Variants in TPM4 observed in about 807,000 individuals in gnomAD.
TPM4 encodes the protein tropomyosin alpha-4 chain.
In TPM4, 17 loss-of-function variants were observed where a neutral mutation model predicts 35.8. The observed-to-expected ratio is 0.47, with a 90% CI of 0.32 to 0.71. The LOEUF is 0.71. TPM4 is among the 30% of genes least tolerant of loss of function. The pLI is 0.03. For missense variants in TPM4, 240 were observed against 320.9 expected (o/e 0.75, Z 1.93); for synonymous variants, 120 against 122.9 (o/e 0.98, Z 0.15).
upstream of TPM4, chr19:16,075,411 CA>C (rs1472061177): frequency 2.6e-5 from 4 of 152,134 alleles, no homozygotes; most frequent in Non-Finnish European, 4.4e-5. Flanking sequence ...CCCGAGCCTT[CA>C]AAGAAAGTGA....
upstream of TPM4, chr19:16,076,352 G>A (rs986802338): frequency 6.8e-7 from 1 of 1,461,568 alleles, no homozygotes; most frequent in Non-Finnish European, 9.0e-7. Flanking sequence ...CAGCGGTGCC[G>A]ACGTCAGGCC....
At chr19:16,096,936 C>CTTTTTTTCTTT (rs2090705707) in intron 7 of TPM4, among the ~76,000 whole-genome samples, 8 of 69,052 alleles carry the variant, frequency 1.2e-4, no homozygotes, top group African/African-American at 4.4e-4. Context: ...CAAGGTCACT[C>CTTTTTTTCTTT]TTTTTTTTTT....
At chr19:16,084,006 A>C (rs2144934764) in intron 2 of TPM4, among the ~76,000 whole-genome samples, 1 of 152,078 alleles carries the variant, frequency 6.6e-6, no homozygotes, top group East Asian at 1.9e-4. Flanking sequence ...AGCTCACTAC[A>C]AGCTTCACCT....
chr19:16,068,693 G>A (rs1178512790), intron 2 of TPM4, among the ~76,000 whole-genome samples: 1 of 152,160 alleles, frequency 6.6e-6, no homozygotes, highest in Non-Finnish European at 1.5e-5. Context: ...GCGTGTATCT[G>A]TATGTGTTTA....
chr19:16,070,527 A>C lies in TPM4; in HGVS notation c.114+2789A>C, dbSNP rs904253754. Among the ~76,000 whole-genome samples the C allele has an allele frequency of 1.3e-5, 2 of 152,118 alleles. No individual in the cohort carries two copies. The highest frequency in any genetic ancestry group is 2.9e-5 in the Non-Finnish European group (2 of 68,012). The stretch of plus-strand genomic sequence containing the variant: ...CCGGCAGCTAAAGGCGAAAGCTCGG[A>C]GCTCAGACTGGCCATGTTTGAGTCA... On this transcript the variant is annotated intron_variant, in intron 2 of 2. Coordinates refer to the TPM4 transcript ENST00000589897. The surrounding 1 kb of genome is among the most constrained non-coding windows in gnomAD (Gnocchi z 7.4).
At chr19:16,087,412 A>C (rs1344389059) in intron 3 of TPM4, among the ~76,000 whole-genome samples, 4 of 152,132 alleles carry the variant, frequency 2.6e-5, no homozygotes, top group African/African-American at 9.7e-5. Context: ...CCCTGTCTCT[A>C]CAAAAAATAC....
intron 5 of TPM4, among the ~76,000 whole-genome samples, chr19:16,089,699 C>G (rs1457094637): frequency 6.9e-6 from 1 of 144,050 alleles, no homozygotes; most frequent in Non-Finnish European, 1.5e-5. Context: ...GACAGAGCTT[C>G]GCTCTGTTGC....
chr19:16,088,323 A>ATGAGGAAATAGGAGTGAGACAG, intron 4 of TPM4: 3 of 1,371,362 alleles, frequency 2.2e-6, no homozygotes, highest in Non-Finnish European at 2.8e-6. Context: ...CTGCAAAGAT[A>ATGAGGAAATAGGAGTGAGACAG]TGAGGAAATA....
At chr19:16,081,158 C>CA (rs1249162328) in intron 1 of TPM4, 2 of 397,908 alleles carry the variant, frequency 5.0e-6, no homozygotes, top group African/African-American at 4.1e-5. Context: ...GCGGAACTCA[C>CA]AGGACACAAT....
At chr19:16,075,210 G>C (rs937982633), upstream of TPM4, 1 of 152,258 alleles carries the variant, frequency 6.6e-6, no homozygotes, top group Non-Finnish European at 1.5e-5. Context: ...ACTCTAGACC[G>C]GTGTGGTGGG....
intron 5 of TPM4, among the ~76,000 whole-genome samples, chr19:16,091,028 G>A (rs1382387448): frequency 1.3e-5 from 2 of 151,992 alleles, no homozygotes; most frequent in Non-Finnish European, 2.9e-5. Flanking sequence ...GGGGATAGAT[G>A]TAACACCACT....
Position 16,088,061 on chromosome 19 carries a change from T to C in TPM4, c.419T>C (p.Leu140Pro). 2 of 1,612,634 alleles carry C rather than the reference T, an allele frequency of 1.2e-6. No individual in the cohort carries two copies. The highest frequency in any genetic ancestry group is 1.7e-6 in the Non-Finnish European group (2 of 1,179,598). Reference protein sequence around the residue: ...ARKLVILEGELERAEERAEVS... With the variant: ...ARKLVILEGEPERAEERAEVS... ...AAGCTGGTCATCCTGGAGGGTGAGC[T>C]GGAGAGGGCAGAGGAGCGTGCGGAG... is the stretch of plus-strand genomic sequence containing the variant. The change falls in exon 4 of 8, where the codon CTG (leucine) becomes CCG (proline). Residue 140 changes from leucine to proline, a missense_variant. Transcript: ENST00000643579.
rs573965261 is a variant in TPM4 at position 16,083,757 on chromosome 19, C to CTTTTT, written c.266+1726_266+1730dup. Among the ~76,000 whole-genome samples, 73 of 120,636 alleles carry CTTTTT rather than the reference C, an allele frequency of 6.1e-4. 2 individuals are homozygous for CTTTTT. The highest frequency in any genetic ancestry group is 1.9e-3 in the African/African-American group (57 of 30,692). The allele number at this position is 120,636 out of a possible 152,430, so 79.1% of individuals were successfully genotyped here. A position where few individuals can be genotyped will look rare whatever the true frequency, so the allele number is the denominator to read the frequency against. On this transcript the variant is annotated intron_variant, in intron 2 of 7. Transcript: ENST00000643579. ...ATAAACACCTCCCAAAGATTCATTT[C>CTTTTT]TTTTTTTTTTTTTTTTTTTGAGACA...
At chr19:16,075,957 C>T (rs1364404406), upstream of TPM4, 2 of 1,497,488 alleles carry the variant, frequency 1.3e-6, no homozygotes, top group Non-Finnish European at 8.9e-7. Context: ...AGACGGAGGA[C>T]TCTTGTGAAT....
chr19:16,076,988 G>C, intron 1 of TPM4: 1 of 401,926 alleles, frequency 2.5e-6, no homozygotes, highest in Non-Finnish European at 3.8e-6. Flanking sequence ...CGATCTCCGG[G>C]TGGAGAAGTG....
chr19:16,073,696 A>G (rs1423521), upstream of TPM4, among the ~76,000 whole-genome samples: 150,761 of 152,076 alleles, frequency 0.99, 74,784 homozygotes, highest in Middle Eastern at 1. Flanking sequence ...GCTCTCTGTC[A>G]CATCTCAGCT....
chr19:16,072,390 G>A (rs540304269), upstream of TPM4, among the ~76,000 whole-genome samples: 20 of 152,362 alleles, frequency 1.3e-4, no homozygotes, highest in Non-Finnish European at 1.9e-4. Flanking sequence ...GGCCACCAGG[G>A]TTGGGGAGCC....
intron 4 of TPM4, chr19:16,088,317 A>G: frequency 7.2e-7 from 1 of 1,383,882 alleles, no homozygotes; most frequent in Non-Finnish European, 9.4e-7. Context: ...CCCTTTCTGC[A>G]AAGATATGAG....
chr19:16,076,092 G>C (rs1177707521), upstream of TPM4: 1 of 1,603,670 alleles, frequency 6.2e-7, no homozygotes, highest in South Asian at 1.1e-5. Flanking sequence ...AAAAGGGACA[G>C]AGGACGAGCT....
Sources: gnomAD v4.1 joint callset for allele counts (sites outside exome capture counted in the v4.1 genomes callset) on GRCh38, gnomAD v4.1.1 for gene constraint, Gnocchi (gnomAD v3.1) non-coding constraint, MANE v1.5 for transcripts, NCBI Gene and HGNC (gene_info 2026-07-23, HGNC 2026-07-21) for gene names.